The following ACAP2 variants were observed in gnomAD, a reference collection of about 807,000 sequenced individuals.
ACAP2 encodes the protein arf-GAP with coiled-coil, ANK repeat and PH domain-containing protein 2.
A neutral mutation model predicts 115.8 loss-of-function variants in ACAP2; 39 were observed. The ratio of observed to expected loss-of-function variants is 0.34; its 90% confidence interval spans 0.26 to 0.44. The LOEUF is 0.44. ACAP2 is among the 20% of genes least tolerant of loss of function. The pLI, the probability that ACAP2 is intolerant of heterozygous loss-of-function variation, is 1.00. For missense variants in ACAP2, 662 were observed against 927.6 expected, an observed-to-expected ratio of 0.71 and a Z score of 3.72; for synonymous variants, 289 against 315.8, an observed-to-expected ratio of 0.92 and a Z score of 0.90.
chr3:195,325,441 T>TTTTTTTTA, intron 9 of ACAP2: 1 of 414,428 alleles, frequency 2.4e-6, no homozygotes, highest in Non-Finnish European at 4.7e-6. Flanking sequence ...TTTTTTTTTT[T>TTTTTTTTA]ACCTGTAACG....
intron 1 of ACAP2, among the ~76,000 whole-genome samples, chr3:195,396,941 A>T (rs756508518): frequency 1.1e-4 from 17 of 151,698 alleles, no homozygotes; most frequent in East Asian, 3.9e-4. Context: ...TTAATAATTT[A>T]AAAAAAATTA....
chr3:195,349,532 T>C (rs1731403783), intron 4 of ACAP2: 1 of 152,892 alleles, frequency 6.5e-6, no homozygotes, highest in South Asian at 2.0e-4. Flanking sequence ...AGGAAATGCT[T>C]AAGGATGAAT....
chr3:195,382,057 A>T (rs1323031966), intron 2 of ACAP2, 35 bp from the exon 3 acceptor site: 1 of 1,589,810 alleles, frequency 6.3e-7, no homozygotes, highest in South Asian at 1.1e-5. Context: ...CAGGTTGAAG[A>T]TAGTTTTACA....
At chr3:195,284,959 ACTT>A (rs1169049393) in intron 22 of ACAP2, among the ~76,000 whole-genome samples, 1 of 152,224 alleles carries the variant, frequency 6.6e-6, no homozygotes, top group African/African-American at 2.4e-5. Context: ...AGAATCTGAT[ACTT>A]CTTCCTTGAC....
intron 4 of ACAP2, among the ~76,000 whole-genome samples, chr3:195,351,441 CGTGTGTGTGTGTGTGTGTGTGT>C (rs56049053): frequency 6.9e-5 from 9 of 129,946 alleles, no homozygotes; most frequent in African/African-American, 2.4e-4. Context: ...TTTTCTTTTT[CGTGTGTGTGTGTGTGTGTGTGT>C]GTGTGTGTGT....
chr3:195,336,351 A>G (rs1361956786), intron 7 of ACAP2: 1 of 152,300 alleles, frequency 6.6e-6, no homozygotes, highest in Non-Finnish European at 1.5e-5. Flanking sequence ...GAACAAACCA[A>G]AAGACTGACC....
At position 195,381,905 on chromosome 3, in the gene ACAP2, C is replaced by T. The variant is rs777353687; in HGVS notation, c.229G>A (p.Glu77Lys). 4.6e-5 allele frequency: 74 copies of T among 1,591,778 alleles called. No individual in the cohort carries two copies. The highest frequency in any genetic ancestry group is 6.0e-5 in the Non-Finnish European group (70 of 1,173,436). Residue 77 changes from glutamate to lysine, a missense_variant and splice_region_variant, in exon 3 of 23, where the codon GAG (glutamate) becomes AAG (lysine). This residue lies in a region of ACAP2 where 401 missense variants were observed against 604.4 expected (regional missense o/e 0.66). Transcript: ENST00000326793. ...AQYSSNDAVV[E>K]TSLTKFSDSL... is the part of the protein sequence containing the mutation. ...ACTGCAATTTTAGTAATACTAACCT[C>T]AACGACAGCATCATTACTAGAATAC...
At chr3:195,348,934 C>G (rs1211048530) in intron 4 of ACAP2, among the ~76,000 whole-genome samples, 6 of 152,120 alleles carry the variant, frequency 3.9e-5, no homozygotes, top group Non-Finnish European at 8.8e-5. Flanking sequence ...CACTTCTATT[C>G]AACATTACAC....
chr3:195,439,959 C>T (rs1021406322), intron 1 of ACAP2, among the ~76,000 whole-genome samples: 1 of 152,082 alleles, frequency 6.6e-6, no homozygotes, highest in Non-Finnish European at 1.5e-5. Context: ...AAAAGCAGTA[C>T]TTTTACGGAG....
At chr3:195,312,150 A>T (rs1439411122) in intron 10 of ACAP2, among the ~76,000 whole-genome samples, 1 of 152,096 alleles carries the variant, frequency 6.6e-6, no homozygotes, top group African/African-American at 2.4e-5. Flanking sequence ...AACATGAGTA[A>T]AAGTCAAACT....
At chr3:195,372,461 G>C (rs933560010) in intron 4 of ACAP2, among the ~76,000 whole-genome samples, 1 of 152,148 alleles carries the variant, frequency 6.6e-6, no homozygotes, top group Admixed American at 6.5e-5. Context: ...TGGGAGTCCC[G>C]GAGACGATCA....
intron 4 of ACAP2, among the ~76,000 whole-genome samples, chr3:195,365,337 G>A (rs1326457696): frequency 6.6e-6 from 1 of 152,050 alleles, no homozygotes; most frequent in Non-Finnish European, 1.5e-5. Context: ...CATTTACTCT[G>A]ATTATTACAC....
intron 8 of ACAP2, among the ~76,000 whole-genome samples, chr3:195,330,492 A>G (rs1056154540): frequency 5.3e-5 from 8 of 152,146 alleles, no homozygotes; most frequent in African/African-American, 1.7e-4. Context: ...TTCAACTCAT[A>G]CTGCTTTTAT....
At chr3:195,303,454 G>C (rs1001486735) in intron 13 of ACAP2, among the ~76,000 whole-genome samples, 1 of 138,864 alleles carries the variant, frequency 7.2e-6, no homozygotes, top group Admixed American at 7.1e-5. Context: ...AGGCATGGTG[G>C]TGCACACCTG....
intron 21 of ACAP2, 56 bp downstream of exon 21, chr3:195,289,065 G>A (rs917328127): frequency 1.6e-5 from 23 of 1,411,730 alleles, no homozygotes; most frequent in African/African-American, 5.7e-5. Context: ...GTGGATAACC[G>A]AGGGACAACT....
chr3:195,304,183 A>AC (rs1440299537), intron 13 of ACAP2, among the ~76,000 whole-genome samples: 2 of 151,400 alleles, frequency 1.3e-5, no homozygotes, highest in African/African-American at 4.8e-5. Flanking sequence ...AAAAAAAAAA[A>AC]AAAAAAAAAA....
At chr3:195,305,699 C>T (rs1438118165) in intron 13 of ACAP2, among the ~76,000 whole-genome samples, 2 of 152,226 alleles carry the variant, frequency 1.3e-5, no homozygotes, top group South Asian at 2.1e-4. Context: ...TCTTTGCTGA[C>T]ATGCCCTTCG....
Position 195,407,329 on chromosome 3 carries a change from C to T in ACAP2, c.54-15182G>A, listed in dbSNP as rs531357346. 4.6e-5 allele frequency among the ~76,000 whole-genome samples: 7 copies of T among 151,586 alleles called. No individual in the cohort carries two copies. The South Asian group carries it at 1.5e-3, about 32-fold the overall frequency. ...CCTGGGCAACACAGCAAGCCTCCAT[C>T]TTCACAAAAAAAGTTTGAGTTATTT... On this transcript the variant is annotated intron_variant, in intron 1 of 22. Coordinates refer to ENST00000326793, the MANE Select transcript of ACAP2 (RefSeq NM_012287.6).
intron 22 of ACAP2, chr3:195,279,774 C>T (rs944772569): frequency 1.3e-5 from 2 of 159,846 alleles, no homozygotes; most frequent in Non-Finnish European, 2.7e-5. Flanking sequence ...ATGAGACCTT[C>T]TTTAAATAAA....
Sources: allele counts gnomAD v4.1 joint callset (sites outside exome capture counted in the v4.1 genomes callset), GRCh38; gene constraint gnomAD v4.1.1; regional missense constraint gnomAD v4.1.1; transcripts MANE v1.5; gene names NCBI Gene and HGNC (gene_info 2026-07-23, HGNC 2026-07-21).